The following INCENP variants were observed in gnomAD, a reference collection of about 807,000 sequenced individuals.
INCENP encodes the protein binds and activates aurora-B and -C in vivo and in vitro.
Under a neutral mutation model 107.3 loss-of-function variants are expected in INCENP, and 43 were observed. That is an observed-to-expected ratio of 0.40 (90% CI 0.31 to 0.52). INCENP has a LOEUF of 0.52. Ranked by LOEUF, INCENP falls within the 20% of genes least tolerant of loss-of-function variation. The probability of loss-of-function intolerance (pLI) is 0.53; values close to 1 mark genes in which losing one functional copy is unlikely to be tolerated. For missense variants in INCENP, 1,089 were observed against 1,250.9 expected (o/e 0.87, Z 1.95); for synonymous variants, 488 against 494.4 (o/e 0.99, Z 0.17).
intron 11 of INCENP, among the ~76,000 whole-genome samples, chr11:62,142,295 C>G (rs11230923): frequency 0.2 from 29,828 of 152,258 alleles, 3,970 homozygotes; most frequent in Admixed American, 0.4. Flanking sequence ...GAGGGGCTTC[C>G]CAGCAGCTGG....
In INCENP at chr11:62,146,875, G is replaced by A. The variant is rs369494048; in HGVS notation, c.2177G>A (p.Arg726Gln). ...ERQLAEQERR[R>Q]EQERLQAERE... ...CAGCTGGCAGAGCAGGAGCGTCGGCGGGAGCAGGAGCGGCTCCAGGCCGAG... is the reference window on the plus strand; with the variant it reads ...CAGCTGGCAGAGCAGGAGCGTCGGCAGGAGCAGGAGCGGCTCCAGGCCGAG... The change falls in exon 15 of 19, where the codon CGG becomes CAG. Residue 726 changes from arginine (R) to glutamine (Q), a missense_variant. By Grantham distance (43) the Arg-to-Gln change is conservative. Coordinates refer to ENST00000394818, the MANE Select transcript of INCENP (RefSeq NM_001040694.2). The A allele has an allele frequency of 2.9e-5, 47 of 1,597,238 alleles. No homozygotes were observed. The African/African-American group carries it at 4.0e-4, about 14-fold the overall frequency.
In INCENP at chr11:62,145,796, C is replaced by T. The variant is rs374058902; in HGVS notation, c.1959+45C>T. 166 of 1,534,026 alleles carry T rather than the reference C, an allele frequency of 1.1e-4. 1 individual carries two copies. Among genetic ancestry groups the T allele is most frequent in the Middle Eastern group, 6.9e-4 (3 of 4,348 alleles). On this transcript the variant is annotated intron_variant, in intron 14 of 18. Transcript: ENST00000394818. ...TCAGGGAGGAGGTGGGCGGGGTGGGCGCTGTCTCAGCACCATGGGGCCCTA... is the reference window on the plus strand; with the variant it reads ...TCAGGGAGGAGGTGGGCGGGGTGGGTGCTGTCTCAGCACCATGGGGCCCTA...
In INCENP at chr11:62,130,260, G is replaced by C. The variant is rs1469877800; in HGVS notation, c.733G>C (p.Gly245Arg). ...GATGGCTACACCCCAGGACCCCAAGGGTCAAGGGGTCGGGACGGGGCGGTC... is the reference window on the plus strand; with the variant it reads ...GATGGCTACACCCCAGGACCCCAAGCGTCAAGGGGTCGGGACGGGGCGGTC... The part of the protein sequence containing the change: ...SLMATPQDPK[G>R]QGVGTGRSAS... The change falls in exon 4 of 19, where the codon GGT (glycine) becomes CGT (arginine). Residue 245 changes from glycine (G) to arginine (R), a missense_variant. By Grantham distance (125) the Gly-to-Arg change is moderately radical. Coordinates refer to ENST00000394818, the MANE Select transcript of INCENP (RefSeq NM_001040694.2). 1.2e-6 allele frequency: 2 copies of C among 1,613,114 alleles called. No homozygotes were observed. Among genetic ancestry groups the C allele is most frequent in the Admixed American group, 3.3e-5 (2 of 60,002 alleles).
At chr11:62,136,757 C>T (rs1944002976) in intron 4 of INCENP, among the ~76,000 whole-genome samples, 2 of 152,188 alleles carry the variant, frequency 1.3e-5, no homozygotes, top group African/African-American at 2.4e-5. Flanking sequence ...CTCTCCTTCC[C>T]GTGAGTGTGT....
In INCENP at chr11:62,146,792, C is replaced by CAGGAGCGGCGG. The variant is rs1565101619; in HGVS notation, c.2094_2095insAGGAGCGGCGG (p.Glu699ArgfsTer96). 1.3e-5 allele frequency: 20 copies of CAGGAGCGGCGG among 1,507,508 alleles called. No homozygotes were observed. In the African/African-American group the frequency reaches 3.3e-4, roughly 25 times the overall value. 93.4% of individuals were successfully genotyped at this position (1,507,508 alleles called of 1,614,324 possible). A position where few individuals can be genotyped will look rare whatever the true frequency, so the allele number is the denominator to read the frequency against. ...AGGAGCGGCGGGAGCAGGAGCGGCG[C>CAGGAGCGGCGG]GAGCAGGAGCGGCGCGAGCAGGAGC... On this transcript the variant is annotated frameshift_variant, in exon 15 of 19. Coordinates refer to ENST00000394818, the MANE Select transcript of INCENP (RefSeq NM_001040694.2). LOFTEE classifies it high-confidence loss of function.
At position 62,146,647 on chromosome 11, in the gene INCENP, C is replaced by G. The variant is rs1434730308; in HGVS notation, c.1960-11C>G. On this transcript the variant is annotated splice_polypyrimidine_tract_variant and intron_variant, in intron 14 of 18. Coordinates refer to ENST00000394818, the MANE Select transcript of INCENP (RefSeq NM_001040694.2). ...CCTGGCCGCAGCACCTGACCTTGCTCTCTGTTTCAGGAGGAGGAAGAGCGG... is the reference window on the plus strand; with the variant it reads ...CCTGGCCGCAGCACCTGACCTTGCTGTCTGTTTCAGGAGGAGGAAGAGCGG... The G allele has an allele frequency of 6.4e-7, 1 of 1,550,804 alleles. No individual in the cohort carries two copies. The highest frequency in any genetic ancestry group is 1.2e-5 in the South Asian group (1 of 84,028).
At chr11:62,138,677 T>C in intron 5 of INCENP, 36 bp from the exon 6 acceptor site, 1 of 1,602,974 alleles carries the variant, frequency 6.2e-7, no homozygotes, top group South Asian at 1.1e-5. Context: ...TTGGACTAGC[T>C]GGGCAGTCCC....
intron 4 of INCENP, among the ~76,000 whole-genome samples, chr11:62,135,449 G>C (rs1943973520): frequency 6.6e-6 from 1 of 152,004 alleles, no homozygotes; most frequent in Non-Finnish European, 1.5e-5. Context: ...CTTTTCAGTA[G>C]AGACGGGGTT....
chr11:62,148,875 C>T (rs764797636), intron 17 of INCENP, 29 bp downstream of exon 17: 3 of 1,485,096 alleles, frequency 2.0e-6, no homozygotes, highest in African/African-American at 1.4e-5. Context: ...TGGAGAGGCT[C>T]TCAGGTGGAG....
chr11:62,142,757 C>T (rs1043367698), intron 11 of INCENP, among the ~76,000 whole-genome samples: 1 of 152,190 alleles, frequency 6.6e-6, no homozygotes, highest in Non-Finnish European at 1.5e-5. Context: ...GGACTTTTCC[C>T]GGGTGTGTGC....
chr11:62,136,127 G>A (rs1192260569), intron 4 of INCENP, among the ~76,000 whole-genome samples: 2 of 152,188 alleles, frequency 1.3e-5, no homozygotes, highest in Non-Finnish European at 2.9e-5. Context: ...TTGTCAGCAC[G>A]TGGTGTTTTA....
chr11:62,125,906 C>G (rs1199566721), intron 1 of INCENP, among the ~76,000 whole-genome samples: 1 of 152,234 alleles, frequency 6.6e-6, no homozygotes, highest in African/African-American at 2.4e-5. Context: ...CAGAGAATTA[C>G]AATCAATGAA....
Position 62,137,832 on chromosome 11 carries a change from G to T in INCENP, c.1064G>T (p.Cys355Phe). ...EEPAASGRII[C>F]HSYLERLLNV... Reference sequence around the variant, plus strand: ...TTTGTGCCTTTCTTTTCCCCCTCAGGTCACAGTTACCTGGAGAGGCTCCTG... The same window carrying T: ...TTTGTGCCTTTCTTTTCCCCCTCAGTTCACAGTTACCTGGAGAGGCTCCTG... The change falls in exon 5 of 19, where the codon TGT becomes TTT. Residue 355 changes from cysteine (C) to phenylalanine (F), a missense_variant and splice_region_variant. Transcript: ENST00000394818. 1 of 1,614,060 alleles carries T rather than the reference G, an allele frequency of 6.2e-7. No individual in the cohort carries two copies. Among genetic ancestry groups the T allele is most frequent in the Non-Finnish European group, 8.5e-7 (1 of 1,179,926 alleles).
intron 11 of INCENP, chr11:62,141,850 T>C: frequency 2.2e-6 from 1 of 451,602 alleles, no homozygotes. Flanking sequence ...TGTGGGTCTT[T>C]GAAGAGAACA....
At chr11:62,147,331 C>T (rs757428828) in intron 15 of INCENP, among the ~76,000 whole-genome samples, 3 of 152,164 alleles carry the variant, frequency 2.0e-5, no homozygotes, top group Middle Eastern at 3.2e-3. Flanking sequence ...TACCCCCTAC[C>T]GATATTTTCA....
At chr11:62,136,090 C>T (rs1354597112) in intron 4 of INCENP, among the ~76,000 whole-genome samples, 1 of 152,236 alleles carries the variant, frequency 6.6e-6, no homozygotes, top group Non-Finnish European at 1.5e-5. Context: ...AGCCACCGCA[C>T]CCGGCCTTGG....
At chr11:62,148,185 G>A (rs1311158012) in intron 15 of INCENP, among the ~76,000 whole-genome samples, 1 of 152,194 alleles carries the variant, frequency 6.6e-6, no homozygotes, top group Non-Finnish European at 1.5e-5. Context: ...GAGGAAATGT[G>A]TTATGGTCTC....
intron 11 of INCENP, among the ~76,000 whole-genome samples, chr11:62,142,244 C>T (rs1295009799): frequency 3.9e-5 from 6 of 152,234 alleles, no homozygotes; most frequent in African/African-American, 1.4e-4. Context: ...CTGTGACAGC[C>T]GGGAGGGCTT....
intron 7 of INCENP, among the ~76,000 whole-genome samples, 197 bp downstream of exon 7, chr11:62,139,202 T>G (rs1484341853): frequency 6.6e-6 from 1 of 152,090 alleles, no homozygotes; most frequent in African/African-American, 2.4e-5. Context: ...GAGCTGTCAC[T>G]GAGTGCAGCA....
Sources: allele counts gnomAD v4.1 joint callset (sites outside exome capture counted in the v4.1 genomes callset), GRCh38; gene constraint gnomAD v4.1.1; transcripts MANE v1.5; gene names NCBI Gene and HGNC (gene_info 2026-07-23, HGNC 2026-07-21).